LOXL2: variants seen among roughly 807,000 people sequenced by gnomAD.
LOXL2 encodes the protein lysyl oxidase like 2, also known as lysyl oxidase homolog 2.
In LOXL2, 70 loss-of-function variants were observed where a neutral mutation model predicts 93.0. The observed-to-expected ratio is 0.75, with a 90% CI of 0.62 to 0.92. The LOEUF (loss-of-function observed/expected upper bound fraction) is 0.92. LOXL2 is among the 40% of genes least tolerant of loss of function. The pLI is 0.00. For missense variants in LOXL2, 973 were observed against 1,054.9 expected (o/e 0.92, Z 1.08); for synonymous variants, 438 against 413.2 (o/e 1.06, Z -0.73).
At chr8:23,403,768 C>T (rs1359963788) in intron 1 of LOXL2, 186 bp downstream of exon 1, 1 of 152,312 alleles carries the variant, frequency 6.6e-6, no homozygotes, top group Non-Finnish European at 1.5e-5. Context: ...GCGGGGCCGC[C>T]CGGGGCGGCA....
chr8:23,339,042 C>T (rs374419290), intron 4 of LOXL2, among the ~76,000 whole-genome samples: 2 of 152,338 alleles, frequency 1.3e-5, no homozygotes, highest in South Asian at 2.1e-4. Flanking sequence ...TGAGCCTTAT[C>T]ATTCCCTAGG....
In LOXL2 at chr8:23,319,553, C is replaced by T. The variant is rs535691417; in HGVS notation, c.1470+332G>A. On this transcript the variant is annotated intron_variant, in intron 8 of 13. Coordinates refer to ENST00000389131, the MANE Select transcript of LOXL2 (RefSeq NM_002318.3). ...CGAAGGACTGAGTTGGTTCCTTCTG[C>T]ACAAGGCACATCAGGAACCCCCAGG... Among the ~76,000 whole-genome samples, 492 of 152,294 alleles carry T rather than the reference C, an allele frequency of 3.2e-3. 3 individuals are homozygous for T. Among genetic ancestry groups the T allele is most frequent in the Non-Finnish European group, 4.8e-3 (328 of 68,018 alleles).
In LOXL2 at chr8:23,309,914, G is replaced by A. The variant is rs1803296269; in HGVS notation, c.1637-3C>T. 1.4e-6 allele frequency: 2 copies of A among 1,467,990 alleles called. No homozygotes were observed. The highest frequency in any genetic ancestry group is 1.8e-6 in the Non-Finnish European group (2 of 1,099,576). The allele number at this position is 1,467,990 out of a possible 1,614,324, so 90.9% of individuals were successfully genotyped here. A position where few individuals can be genotyped will look rare whatever the true frequency, so the allele number is the denominator to read the frequency against. On this transcript the variant is annotated splice_region_variant and splice_polypyrimidine_tract_variant and intron_variant, in intron 9 of 13. Transcript: ENST00000389131. ...ATTGAGGACCAGGTCAGGGGCGGCT[G>A]CGGAGGATGGCATGCTGGTCAACAA...
intron 1 of LOXL2, among the ~76,000 whole-genome samples, chr8:23,396,563 G>A (rs1009758992): frequency 2.6e-5 from 4 of 152,180 alleles, no homozygotes; most frequent in East Asian, 3.9e-4. Flanking sequence ...AGCTACAATT[G>A]CAAATCTCAA....
chr8:23,377,648 G>A (rs1415574358), intron 1 of LOXL2, among the ~76,000 whole-genome samples: 2 of 152,200 alleles, frequency 1.3e-5, no homozygotes, highest in East Asian at 3.8e-4. Context: ...ATACATTTAA[G>A]ATAGTTAGCT....
chr8:23,332,506 AC>A (rs1431713401), intron 5 of LOXL2, among the ~76,000 whole-genome samples: 1 of 59,170 alleles, frequency 1.7e-5, no homozygotes, highest in Non-Finnish European at 3.0e-5. Context: ...TCATACACAC[AC>A]ATACACATCC....
chr8:23,342,989 C>T (rs915734311), intron 3 of LOXL2, among the ~76,000 whole-genome samples: 1 of 152,150 alleles, frequency 6.6e-6, no homozygotes, highest in Non-Finnish European at 1.5e-5. Flanking sequence ...GGCCTCAAGG[C>T]ATCCTCCCAC....
chr8:23,379,207 AC>A lies in LOXL2; in HGVS notation c.-83-10774del, dbSNP rs549492713. 1.4e-3 allele frequency among the ~76,000 whole-genome samples: 218 copies of A among 152,214 alleles called. 1 individual carries two copies. The highest frequency in any genetic ancestry group is 5.1e-3 in the African/African-American group (211 of 41,504). On this transcript the variant is annotated intron_variant, in intron 1 of 13. Transcript: ENST00000389131. Reference sequence around the variant, plus strand: ...GGAGTTTGCTGGAGGTCCACTCCAGACCCTGTTTGCCTGGGTATCAGCAGCA... The same window carrying A: ...GGAGTTTGCTGGAGGTCCACTCCAGACCTGTTTGCCTGGGTATCAGCAGCA...
At chr8:23,387,936 C>T (rs531895820) in intron 1 of LOXL2, among the ~76,000 whole-genome samples, 81 of 152,188 alleles carry the variant, frequency 5.3e-4, no homozygotes, top group African/African-American at 1.8e-3. Context: ...GCGACAAGAG[C>T]GAGACTCTGT....
At chr8:23,321,938 C>G (rs1383142671) in intron 7 of LOXL2, 192 bp downstream of exon 7, 2 of 609,062 alleles carry the variant, frequency 3.3e-6, no homozygotes, top group Non-Finnish European at 5.8e-6. Flanking sequence ...CACACAGGGG[C>G]TTGGGCCTGC....
chr8:23,362,562 A>G (rs1804313759), intron 2 of LOXL2, among the ~76,000 whole-genome samples: 1 of 152,140 alleles, frequency 6.6e-6, no homozygotes, highest in Non-Finnish European at 1.5e-5. Context: ...GCGAGGCCTC[A>G]TCTCTACTAA....
chr8:23,346,295 T>A (rs1455078707), intron 3 of LOXL2, among the ~76,000 whole-genome samples: 1 of 152,112 alleles, frequency 6.6e-6, no homozygotes, highest in Admixed American at 6.6e-5. Context: ...TAAAACCTGA[T>A]GCTATCCCTC....
chr8:23,341,927 C>T (rs112442334), intron 3 of LOXL2, among the ~76,000 whole-genome samples: 4 of 152,292 alleles, frequency 2.6e-5, no homozygotes, highest in African/African-American at 9.6e-5. Context: ...AAAGGAGACA[C>T]AGCAAGGAAA....
chr8:23,340,249 C>A (rs532167501), intron 4 of LOXL2, among the ~76,000 whole-genome samples: 2 of 152,294 alleles, frequency 1.3e-5, no homozygotes, highest in East Asian at 3.9e-4. Flanking sequence ...TAGTGCCTGG[C>A]ACATTATAAG....
At chr8:23,312,886 T>C (rs1585345118) in intron 9 of LOXL2, among the ~76,000 whole-genome samples, 2 of 117,342 alleles carry the variant, frequency 1.7e-5, no homozygotes, top group African/African-American at 3.4e-5. Context: ...TACATGATTG[T>C]ATATCTAGAA....
intron 1 of LOXL2, among the ~76,000 whole-genome samples, chr8:23,391,177 G>A (rs374204458): frequency 5.3e-5 from 8 of 152,162 alleles, no homozygotes; most frequent in South Asian, 2.1e-4. Context: ...ATTTGGGTGC[G>A]GATACAGCCA....
At chr8:23,359,478 C>G (rs1804253480) in intron 3 of LOXL2, among the ~76,000 whole-genome samples, 1 of 152,198 alleles carries the variant, frequency 6.6e-6, no homozygotes, top group Non-Finnish European at 1.5e-5. Flanking sequence ...GAACAGAGGG[C>G]TGCAGTCTAC....
At chr8:23,373,251 T>C (rs1307007163) in intron 1 of LOXL2, among the ~76,000 whole-genome samples, 6 of 152,080 alleles carry the variant, frequency 3.9e-5, no homozygotes, top group African/African-American at 1.2e-4. Context: ...CTAGCTGGAG[T>C]TCGCCTACAA....
chr8:23,354,261 T>C (rs1804145234), intron 3 of LOXL2, among the ~76,000 whole-genome samples: 2 of 152,090 alleles, frequency 1.3e-5, no homozygotes, highest in African/African-American at 4.8e-5. Flanking sequence ...TTAATGAGGG[T>C]GAATGTTACA....
Sources: gnomAD v4.1 joint callset for allele counts (sites outside exome capture counted in the v4.1 genomes callset) on GRCh38, gnomAD v4.1.1 for gene constraint, MANE v1.5 for transcripts, NCBI Gene and HGNC (gene_info 2026-07-23, HGNC 2026-07-21) for gene names.